The following TLN2 variants were observed in gnomAD, a reference collection of about 807,000 sequenced individuals.
TLN2 encodes talin-2.
Under a neutral mutation model 294.7 loss-of-function variants are expected in TLN2, and 118 were observed. The ratio of observed to expected loss-of-function variants is 0.40; its 90% confidence interval spans 0.34 to 0.47. The LOEUF (loss-of-function observed/expected upper bound fraction) is 0.47. TLN2 is among the 20% of genes least tolerant of loss of function. TLN2 has a pLI of 0.84. For synonymous variants in TLN2, 1,431 were observed against 1,304.5 expected, an observed-to-expected ratio of 1.10 and a Z score of -2.09; for missense variants, 3,083 against 3,282.2, an observed-to-expected ratio of 0.94 and a Z score of 1.48.
In TLN2 at chr15:62,582,361, A is replaced by G. The variant is rs148277651; in HGVS notation, c.-237-7326A>G. On this transcript the variant is annotated intron_variant, in intron 1 of 58. Coordinates refer to ENST00000636159, the MANE Select transcript of TLN2 (RefSeq NM_015059.3). ...TTTTCAGTCATTCATTGAGCACTTAATGTGTATAAGAAACTGCTCTGAGCT... is the reference window on the plus strand; with the variant it reads ...TTTTCAGTCATTCATTGAGCACTTAGTGTGTATAAGAAACTGCTCTGAGCT... Among the ~76,000 whole-genome samples, 12 of 152,172 alleles carry G rather than the reference A, an allele frequency of 7.9e-5. No homozygotes were observed. In the East Asian group the frequency reaches 2.3e-3, roughly 29 times the overall value.
At chr15:62,820,398 G>A in intron 53 of TLN2, 88 bp from the exon 54 acceptor site, 4 of 1,488,624 alleles carry the variant, frequency 2.7e-6, no homozygotes, top group Non-Finnish European at 3.6e-6. Context: ...GAGCCTTCAT[G>A]CATGCAAATC....
At chr15:62,835,513 C>A in intron 55 of TLN2, 1 of 589,218 alleles carries the variant, frequency 1.7e-6, no homozygotes, top group East Asian at 2.8e-5. Flanking sequence ...TTAGCATTTC[C>A]TGTCGCCTCT....
chr15:62,455,981 G>A (rs2036454694), intron 1 of TLN2, among the ~76,000 whole-genome samples: 1 of 151,874 alleles, frequency 6.6e-6, no homozygotes, highest in South Asian at 2.1e-4. Flanking sequence ...TTACGAGTCT[G>A]CAGTTGCGAA....
intron 32 of TLN2, among the ~76,000 whole-genome samples, chr15:62,747,009 A>G (rs922025953): frequency 1.3e-5 from 2 of 152,218 alleles, no homozygotes; most frequent in South Asian, 2.1e-4. Flanking sequence ...TCAGTGCAAC[A>G]CATATCAATG....
At position 62,450,511 on chromosome 15, in the gene TLN2, G is replaced by GTGTA. The variant is rs1219079553; in HGVS notation, c.-238+59862_-238+59865dup. ...CCTACATCATTAAGTGGCCCCCATC[G>GTGTA]TGTATGTATGTATGTATGTATGTAT... is the stretch of plus-strand genomic sequence containing the variant. On this transcript the variant is annotated intron_variant, in intron 1 of 58. Coordinates refer to ENST00000636159, the MANE Select transcript of TLN2 (RefSeq NM_015059.3). Among the ~76,000 whole-genome samples the GTGTA allele has an allele frequency of 5.1e-3, 746 of 145,606 alleles. 4 individuals carry two copies. Among genetic ancestry groups the GTGTA allele is most frequent in the African/African-American group, 7.1e-3 (269 of 38,038 alleles).
At position 62,547,862 on chromosome 15, in the gene TLN2, G is replaced by A. The variant is rs532022476; in HGVS notation, c.-237-41825G>A. 4.7e-5 allele frequency among the ~76,000 whole-genome samples: 7 copies of A among 148,798 alleles called. No homozygotes were observed. In the South Asian group the frequency reaches 1.4e-3, roughly 31 times the overall value. On this transcript the variant is annotated intron_variant, in intron 1 of 58. Transcript: ENST00000636159. ...CAATTGTGTGATGTTGGAATATGTT[G>A]CCTCTGAAATTGCTGTCTATCCTCT...
In TLN2 at chr15:62,768,918, A is replaced by C. The variant is rs567111016; in HGVS notation, c.5197-2046A>C. Among the ~76,000 whole-genome samples, 108 of 152,330 alleles carry C rather than the reference A, an allele frequency of 7.1e-4. 2 individuals carry two copies. The South Asian group carries it at 7.9e-3, about 11-fold the overall frequency. On this transcript the variant is annotated intron_variant, in intron 41 of 58. Transcript: ENST00000636159. ...TATTATTAATCCCCATTTTACAGAT[A>C]AGGAAACTGAAGTGGAGCAATTGGA... is the stretch of plus-strand genomic sequence containing the variant.
At chr15:62,741,630 A>G (rs2061324460) in intron 32 of TLN2, among the ~76,000 whole-genome samples, 1 of 152,040 alleles carries the variant, frequency 6.6e-6, no homozygotes, top group African/African-American at 2.4e-5. Flanking sequence ...TAAAAGCAGG[A>G]CTATTAGGGG....
Position 62,546,271 on chromosome 15 carries a change from T to G in TLN2, c.-237-43416T>G, listed in dbSNP as rs536816986. On this transcript the variant is annotated intron_variant, in intron 1 of 58. Coordinates refer to ENST00000636159, the MANE Select transcript of TLN2 (RefSeq NM_015059.3). ...TGAAATCGATTCTTGCTGGAGATTT[T>G]CCTTTAAGAAGCCTCCAGACAAGTG... 5.3e-5 allele frequency among the ~76,000 whole-genome samples: 8 copies of G among 152,320 alleles called. No homozygotes were observed. The South Asian group carries it at 1.7e-3, about 32-fold the overall frequency.
chr15:62,536,156 C>T (rs1028383272), intron 1 of TLN2, among the ~76,000 whole-genome samples: 9 of 152,214 alleles, frequency 5.9e-5, no homozygotes, highest in African/African-American at 2.2e-4. Context: ...TGGAGACCCT[C>T]ATAATCACTG....
chr15:62,669,706 A>G (rs1596597869), intron 9 of TLN2, among the ~76,000 whole-genome samples: 1 of 152,188 alleles, frequency 6.6e-6, no homozygotes. Context: ...CCCAGATGTT[A>G]GGAACCTTCC....
chr15:62,524,603 A>G (rs1372347), intron 1 of TLN2, among the ~76,000 whole-genome samples: 23,541 of 152,166 alleles, frequency 0.15, 1,886 homozygotes, highest in Non-Finnish European at 0.18. Context: ...GGAGTAGATG[A>G]AACCACCATG....
At chr15:62,833,655 G>T (rs570039557) in intron 55 of TLN2, 26 bp downstream of exon 55, 5 of 1,610,798 alleles carry the variant, frequency 3.1e-6, no homozygotes, top group South Asian at 1.1e-5. Flanking sequence ...GACCACATGC[G>T]GGACACTCAA....
chr15:62,649,865 A>G, intron 4 of TLN2: 1 of 503,512 alleles, frequency 2.0e-6, no homozygotes, highest in Non-Finnish European at 3.6e-6. Flanking sequence ...GTTTTAGGAA[A>G]CACGGACCTT....
intron 1 of TLN2, among the ~76,000 whole-genome samples, chr15:62,399,255 AC>A (rs2032814878): frequency 5.1e-5 from 7 of 138,476 alleles, no homozygotes; most frequent in African/African-American, 1.9e-4. Flanking sequence ...TCCGTCTCAA[AC>A]AAAAAAAAAA....
intron 9 of TLN2, among the ~76,000 whole-genome samples, chr15:62,664,831 C>A (rs922123004): frequency 6.7e-5 from 6 of 89,642 alleles, no homozygotes; most frequent in Non-Finnish European, 9.9e-5. Flanking sequence ...TGTACTCCAG[C>A]CTGGGCAACA....
At chr15:62,598,645 A>G (rs1165365597) in intron 2 of TLN2, among the ~76,000 whole-genome samples, 2 of 151,786 alleles carry the variant, frequency 1.3e-5, no homozygotes, top group Non-Finnish European at 2.9e-5. Flanking sequence ...AGTACATTTG[A>G]TTTTTTTAAT....
intron 22 of TLN2, among the ~76,000 whole-genome samples, chr15:62,715,853 A>G (rs1192656075): frequency 2.0e-5 from 3 of 152,030 alleles, no homozygotes; most frequent in Admixed American, 2.0e-4. Flanking sequence ...CCCTCCCTCC[A>G]TCCTTCCCCC....
At position 62,412,306 on chromosome 15, in the gene TLN2, G is replaced by C. The variant is rs144153296; in HGVS notation, c.-238+21621G>C. Among the ~76,000 whole-genome samples the C allele has an allele frequency of 3.0e-3, 452 of 152,306 alleles. 1 individual carries two copies. The highest frequency in any genetic ancestry group is 0.011 in the African/African-American group (437 of 41,568). ...GAAACCAGTAAGGTGGTGGTAACAAGGGCTGATAACCTTTTTGAGGAATTG... is the reference window on the plus strand; with the variant it reads ...GAAACCAGTAAGGTGGTGGTAACAACGGCTGATAACCTTTTTGAGGAATTG... On this transcript the variant is annotated intron_variant, in intron 1 of 58. Coordinates refer to ENST00000636159, the MANE Select transcript of TLN2 (RefSeq NM_015059.3).
Sources: allele counts gnomAD v4.1 joint callset (sites outside exome capture counted in the v4.1 genomes callset), GRCh38; gene constraint gnomAD v4.1.1; transcripts MANE v1.5; gene names NCBI Gene and HGNC (gene_info 2026-07-23, HGNC 2026-07-21).